The following ARFGAP3 variants were observed in gnomAD, a reference collection of about 807,000 sequenced individuals.
ARFGAP3 encodes ARF GTPase activating protein 3.
A neutral mutation model predicts 75.0 loss-of-function variants in ARFGAP3; 72 were observed. That is an observed-to-expected ratio of 0.96 (90% CI 0.79 to 1.17). ARFGAP3 has a LOEUF of 1.17. Ranked by LOEUF, ARFGAP3 falls within the 50% of genes most tolerant of loss-of-function variation. ARFGAP3 has a pLI of 0.00. For synonymous variants in ARFGAP3, 221 were observed against 217.9 expected (o/e 1.01, Z -0.13); for missense variants, 620 against 626.6 (o/e 0.99, Z 0.11).
intron 7 of ARFGAP3, among the ~76,000 whole-genome samples, chr22:42,824,168 CTATTTTTTTTT>C (rs1230254241): frequency 1.0e-5 from 1 of 97,142 alleles, no homozygotes; most frequent in Non-Finnish European, 1.9e-5. Context: ...CCACATCTGG[CTATTTTTTTTT>C]TTTTTTTTTT....
intron 2 of ARFGAP3, among the ~76,000 whole-genome samples, chr22:42,841,990 G>T (rs1349094135): frequency 6.9e-6 from 1 of 144,572 alleles, no homozygotes; most frequent in Non-Finnish European, 1.5e-5. Context: ...CTCCCAAGTA[G>T]ATGGTAGCTA....
intron 3 of ARFGAP3, 145 bp from the exon 4 acceptor site, chr22:42,835,638 G>A (rs940739194): frequency 1.5e-5 from 12 of 819,402 alleles, no homozygotes; most frequent in East Asian, 3.3e-5. Context: ...TGGCTAACAC[G>A]GTGAAACCTT....
chr22:42,838,656 G>C (rs1167680354), intron 3 of ARFGAP3, among the ~76,000 whole-genome samples: 1 of 149,248 alleles, frequency 6.7e-6, no homozygotes, highest in African/African-American at 2.5e-5. Context: ...TATAAGAAAC[G>C]CCTAAAGGAA....
At chr22:42,856,689 C>G (rs1927515664) in intron 1 of ARFGAP3, among the ~76,000 whole-genome samples, 1 of 152,190 alleles carries the variant, frequency 6.6e-6, no homozygotes, top group South Asian at 2.1e-4. Flanking sequence ...CAGGCGGGGT[C>G]GAGCTCCAGG....
intron 3 of ARFGAP3, among the ~76,000 whole-genome samples, chr22:42,840,598 AT>A (rs113064321): frequency 6.5e-4 from 96 of 147,024 alleles, no homozygotes; most frequent in African/African-American, 2.3e-3. Flanking sequence ...TGTTATTATT[AT>A]TTTTTTTTTA....
intron 1 of ARFGAP3, 32 bp downstream of exon 1, chr22:42,857,082 C>G (rs778482624): frequency 6.2e-5 from 93 of 1,488,942 alleles, no homozygotes; most frequent in Middle Eastern, 5.8e-4. Flanking sequence ...GCAGGGATGC[C>G]AGGCAGGCCC....
At chr22:42,842,573 G>C (rs1240604835) in intron 2 of ARFGAP3, among the ~76,000 whole-genome samples, 1 of 151,742 alleles carries the variant, frequency 6.6e-6, no homozygotes, top group Non-Finnish European at 1.5e-5. Context: ...CCAGCCTCCA[G>C]AGGTAGCTGG....
Position 42,835,404 on chromosome 22 carries a change from G to C in ARFGAP3, c.351C>G (p.Ile117Met). 6.2e-7 allele frequency: 1 copy of C among 1,614,154 alleles called. No individual in the cohort carries two copies. The highest frequency in any genetic ancestry group is 8.5e-7 in the Non-Finnish European group (1 of 1,180,006). The change falls in exon 4 of 16, where the codon ATC becomes ATG. Residue 117 changes from isoleucine (I) to methionine (M), a missense_variant. Coordinates refer to ENST00000263245, the MANE Select transcript of ARFGAP3 (RefSeq NM_014570.5). ...GTGTTGCTTGAGAGGCGAGCGATTT[G>C]ATTTTCTCCCTATAGAGCTGAGCAG... ...SRAAQLYREK[I>M]KSLASQATRK...
chr22:42,855,330 C>T (rs766443902), intron 1 of ARFGAP3, among the ~76,000 whole-genome samples: 4 of 152,282 alleles, frequency 2.6e-5, no homozygotes, highest in East Asian at 1.9e-4. Flanking sequence ...CATTGCTAAC[C>T]GCAGATCCTA....
rs1226947706 is a variant in ARFGAP3, at chr22:42,831,782, T to C, written c.478-146A>G. The C allele has an allele frequency of 2.8e-6, 4 of 1,440,436 alleles. No individual in the cohort carries two copies. In the African/African-American group the frequency reaches 4.3e-5, roughly 16 times the overall value. 89.2% of individuals were successfully genotyped at this position (1,440,436 alleles called of 1,614,324 possible). On this transcript the variant is annotated intron_variant, in intron 5 of 15. Transcript: ENST00000263245. ...AAAGGAAGGCATATCTACTTTTTTC[T>C]TGCTTTCTTTTTTTTTTAGAAACAG... is the stretch of plus-strand genomic sequence containing the variant.
intron 14 of ARFGAP3, among the ~76,000 whole-genome samples, chr22:42,801,630 A>G (rs1246612699): frequency 2.6e-5 from 4 of 151,968 alleles, no homozygotes; most frequent in Non-Finnish European, 5.9e-5. Flanking sequence ...AGGTAGGGGG[A>G]GGCGTGTTCC....
Position 42,840,994 on chromosome 22 carries a change from A to G in ARFGAP3, c.211T>C (p.Trp71Arg). ...ATGCATCGCAACTGAAACCATGACC[A>G]GTTGGAATCCAACTCTGTAGATCTA... is the stretch of plus-strand genomic sequence containing the variant. ...FIRSTELDSN[W>R]SWFQLRCMQV... The change falls in exon 3 of 16, where the codon TGG (tryptophan) becomes CGG (arginine). Residue 71 changes from tryptophan to arginine, a missense_variant. Coordinates refer to ENST00000263245, the MANE Select transcript of ARFGAP3 (RefSeq NM_014570.5). 2 of 1,614,210 alleles carry G rather than the reference A, an allele frequency of 1.2e-6. No homozygotes were observed. The highest frequency in any genetic ancestry group is 1.7e-6 in the Non-Finnish European group (2 of 1,180,034).
At chr22:42,857,035 C>A (rs1927536408) in intron 1 of ARFGAP3, 79 bp downstream of exon 1, 6 of 1,404,028 alleles carry the variant, frequency 4.3e-6, no homozygotes, top group African/African-American at 1.5e-5. Flanking sequence ...TCCCAAGCCA[C>A]GGGCACTGGC....
At chr22:42,828,673 C>T (rs572510846) in intron 6 of ARFGAP3, among the ~76,000 whole-genome samples, 1 of 149,684 alleles carries the variant, frequency 6.7e-6, no homozygotes, top group South Asian at 2.1e-4. Context: ...AATCTCAAAG[C>T]CCCCGGCCTT....
In ARFGAP3 at chr22:42,821,233, G is replaced by A. The variant is rs146560560; in HGVS notation, c.812+1037C>T. ...TTATAAATACTTTTTTCATTATGCA[G>A]ATATAATTCACATACCGTAAAACTC... On this transcript the variant is annotated intron_variant, in intron 9 of 15. Transcript: ENST00000263245. 8.5e-4 allele frequency among the ~76,000 whole-genome samples: 130 copies of A among 152,262 alleles called. 1 individual carries two copies. The highest frequency in any genetic ancestry group is 2.7e-3 in the African/African-American group (112 of 41,534).
chr22:42,816,452 C>G (rs1402828618), intron 11 of ARFGAP3, among the ~76,000 whole-genome samples: 1 of 143,722 alleles, frequency 7.0e-6, no homozygotes, highest in Admixed American at 7.4e-5. Flanking sequence ...AGTGAAATCA[C>G]AGGTTCATTT....
intron 6 of ARFGAP3, among the ~76,000 whole-genome samples, chr22:42,827,403 C>G (rs1436797922): frequency 6.6e-6 from 1 of 152,062 alleles, no homozygotes; most frequent in Non-Finnish European, 1.5e-5. Context: ...TTTCACTCTT[C>G]TTACCCAAGC....
intron 7 of ARFGAP3, among the ~76,000 whole-genome samples, chr22:42,826,545 A>AATT (rs949974041): frequency 7.9e-5 from 12 of 151,802 alleles, no homozygotes; most frequent in African/African-American, 2.4e-4. Context: ...ACACTCAGGT[A>AATT]ATTTTTGTTG....
At chr22:42,853,548 C>G (rs554347750) in intron 1 of ARFGAP3, 2 of 198,508 alleles carry the variant, frequency 1.0e-5, no homozygotes, top group South Asian at 1.9e-4. Flanking sequence ...TGACTTGGAT[C>G]CAGAGCTAGG....
Sources: allele counts gnomAD v4.1 joint callset (sites outside exome capture counted in the v4.1 genomes callset), GRCh38; gene constraint gnomAD v4.1.1; transcripts MANE v1.5; gene names NCBI Gene and HGNC (gene_info 2026-07-23, HGNC 2026-07-21).